MLLT10: variants seen among roughly 807,000 people sequenced by gnomAD.
MLLT10 encodes protein AF-10.
A neutral mutation model predicts 129.1 loss-of-function variants in MLLT10; 30 were observed. The observed-to-expected ratio is 0.23, with a 90% CI of 0.17 to 0.32. The LOEUF (loss-of-function observed/expected upper bound fraction) is 0.32. Among genes scored for constraint, MLLT10 ranks in the 10% least tolerant of loss-of-function variants. The pLI is 1.00. For synonymous variants in MLLT10, 490 were observed against 446.4 expected, an observed-to-expected ratio of 1.10 and a Z score of -1.23; for missense variants, 1,119 against 1,268.3, an observed-to-expected ratio of 0.88 and a Z score of 1.79.
At chr10:21,538,796 G>T in intron 2 of MLLT10, 37 bp from the exon 3 acceptor site, 1 of 1,497,276 alleles carries the variant, frequency 6.7e-7, no homozygotes, top group South Asian at 1.1e-5. Flanking sequence ...ATAGTTCTTC[G>T]AATCTTAACA....
At chr10:21,639,120 A>G (rs9418419) in intron 8 of MLLT10, among the ~76,000 whole-genome samples, 28,211 of 152,110 alleles carry the variant, frequency 0.19, 2,758 homozygotes, top group East Asian at 0.31. Context: ...TTCTCTCATC[A>G]CCAAACTGTC....
rs4436461 is a variant in MLLT10, at chr10:21,696,412, T to A, written c.1699+14155T>A. Among the ~76,000 whole-genome samples, 56 of 152,258 alleles carry A rather than the reference T, an allele frequency of 3.7e-4. No homozygotes were observed. The South Asian group carries it at 0.011, about 29-fold the overall frequency. On this transcript the variant is annotated intron_variant, in intron 13 of 22. Coordinates refer to ENST00000307729, the MANE Select transcript of MLLT10 (RefSeq NM_001195626.3). The stretch of plus-strand genomic sequence containing the variant: ...AGGGTTTTAGGTTGTCTGATCTGCC[T>A]TGTTGCTAGAAACAGAAATTCTCCT...
intron 3 of MLLT10, among the ~76,000 whole-genome samples, chr10:21,558,682 A>T (rs1159658860): frequency 2.6e-5 from 4 of 151,986 alleles, no homozygotes; most frequent in African/African-American, 9.7e-5. Flanking sequence ...CATTGTGCCC[A>T]ACCTCTTTTC....
Position 21,631,738 on chromosome 10 carries a change from G to A in MLLT10, c.699+14531G>A, listed in dbSNP as rs1004642288. ...CAGATCTGGTGAGAACTCTTATCAGGAGAACAGCAAGGGGGAAGTCTGCCC... is the reference window on the plus strand; with the variant it reads ...CAGATCTGGTGAGAACTCTTATCAGAAGAACAGCAAGGGGGAAGTCTGCCC... On this transcript the variant is annotated intron_variant, in intron 8 of 22. Coordinates refer to ENST00000307729, the MANE Select transcript of MLLT10 (RefSeq NM_001195626.3). Among the ~76,000 whole-genome samples the A allele has an allele frequency of 3.9e-5, 6 of 152,164 alleles. No homozygotes were observed. In the South Asian group the frequency reaches 1.2e-3, roughly 32 times the overall value.
At chr10:21,570,170 A>G (rs995999890) in intron 3 of MLLT10, among the ~76,000 whole-genome samples, 1 of 151,840 alleles carries the variant, frequency 6.6e-6, no homozygotes, top group Admixed American at 6.6e-5. Flanking sequence ...CGGCCTCCCA[A>G]AGTGCTGGGA....
In MLLT10 at chr10:21,685,577, C is replaced by T. The variant is rs115852623; in HGVS notation, c.1699+3320C>T. 4.6e-3 allele frequency among the ~76,000 whole-genome samples: 703 copies of T among 152,164 alleles called. 3 individuals carry two copies. Among genetic ancestry groups the T allele is most frequent in the African/African-American group, 0.016 (644 of 41,538 alleles). ...CTCAAACTCCTAGACTCAAGTGATC[C>T]GCAAGTGGTCCACCTCGGCCTCCTA... On this transcript the variant is annotated intron_variant, in intron 13 of 22. Transcript: ENST00000307729.
intron 13 of MLLT10, among the ~76,000 whole-genome samples, chr10:21,687,742 A>G (rs1402439211): frequency 6.6e-6 from 1 of 151,908 alleles, no homozygotes; most frequent in African/African-American, 2.4e-5. Context: ...TTGAAATGAA[A>G]TTCTAGAGAA....
intron 21 of MLLT10, among the ~76,000 whole-genome samples, chr10:21,736,491 C>T (rs887303900): frequency 2.6e-5 from 4 of 152,086 alleles, no homozygotes; most frequent in African/African-American, 9.7e-5. Context: ...ACCATGTTGC[C>T]CAGGCTGGTC....
Position 21,735,195 on chromosome 10 carries a change from A to G in MLLT10, c.2915A>G (p.Gln972Arg), listed in dbSNP as rs779516847. ...DQQRQILIHQ[Q>R]QFQQLLNSQQ... ...CAACGACAAATACTTATTCATCAACAGCAGTTTCAGCAGTTGTTAAATTCT... is the reference window on the plus strand; with the variant it reads ...CAACGACAAATACTTATTCATCAACGGCAGTTTCAGCAGTTGTTAAATTCT... The change falls in exon 21 of 23, where the codon CAG becomes CGG. Residue 972 changes from glutamine (Q) to arginine (R), a missense_variant. By Grantham distance (43) the Gln-to-Arg change is conservative. Around this residue, in one of 5 missense-constraint regions of MLLT10, gnomAD observed 1,004 missense variants for 1,008.7 expected, o/e 1.00. Coordinates refer to ENST00000307729, the MANE Select transcript of MLLT10 (RefSeq NM_001195626.3). The G allele has an allele frequency of 1.2e-5, 20 of 1,614,030 alleles. No individual in the cohort carries two copies. The highest frequency in any genetic ancestry group is 1.7e-5 in the Non-Finnish European group (20 of 1,180,000).
At chr10:21,713,149 T>C (rs1723335882) in intron 13 of MLLT10, among the ~76,000 whole-genome samples, 1 of 152,122 alleles carries the variant, frequency 6.6e-6, no homozygotes, top group South Asian at 2.1e-4. Context: ...GTTCCTCCTC[T>C]CCTACCCCTG....
chr10:21,600,164 A>G (rs1484481135), intron 5 of MLLT10, among the ~76,000 whole-genome samples: 2 of 152,054 alleles, frequency 1.3e-5, no homozygotes, highest in Non-Finnish European at 2.9e-5. Flanking sequence ...GTCTATTTTT[A>G]TCCTGGCACC....
intron 6 of MLLT10, among the ~76,000 whole-genome samples, chr10:21,613,987 A>G (rs1310653043): frequency 2.0e-5 from 3 of 151,932 alleles, no homozygotes; most frequent in African/African-American, 7.3e-5. Context: ...TTAGGAGGCC[A>G]AGGTGGGAGG....
intron 13 of MLLT10, among the ~76,000 whole-genome samples, chr10:21,685,348 T>C (rs145165502): frequency 5.4e-4 from 83 of 152,338 alleles, no homozygotes; most frequent in African/African-American, 1.9e-3. Context: ...ATTATTATTA[T>C]TTTTGAGATG....
At chr10:21,602,503 C>T (rs764536539) in intron 5 of MLLT10, among the ~76,000 whole-genome samples, 3 of 152,002 alleles carry the variant, frequency 2.0e-5, no homozygotes, top group Non-Finnish European at 4.4e-5. Flanking sequence ...GATGAAGAAA[C>T]AAAGGAATGC....
chr10:21,604,005 A>ATAAGGTTACTGT (rs1186604243), intron 5 of MLLT10, among the ~76,000 whole-genome samples: 1 of 151,978 alleles, frequency 6.6e-6, no homozygotes, highest in East Asian at 1.9e-4. Flanking sequence ...CTTTTTCCAA[A>ATAAGGTTACTGT]TAAGGTTACT....
At chr10:21,657,806 T>C (rs1280852707) in intron 9 of MLLT10, among the ~76,000 whole-genome samples, 1 of 152,200 alleles carries the variant, frequency 6.6e-6, no homozygotes, top group East Asian at 1.9e-4. Context: ...TTCAATTAGC[T>C]GTTAAATTTT....
chr10:21,617,124 CG>C lies in MLLT10; in HGVS notation c.620del (p.Gly207AspfsTer10), dbSNP rs759047763. On this transcript the variant is annotated frameshift_variant, in exon 8 of 23. Transcript: ENST00000307729. LOFTEE classifies it high-confidence loss of function. ...YHFSKLKKSK[R>X]GSNRSYDQSL... ...TTTTCTTTTTTAGAAAAAGAGCAAA[CG>C]GGGATCTAATAGGTCATATGATCAA... 1 of 1,506,814 alleles carries C rather than the reference CG, an allele frequency of 6.6e-7. No homozygotes were observed. The highest frequency in any genetic ancestry group is 8.9e-7 in the Non-Finnish European group (1 of 1,122,316). The allele number at this position is 1,506,814 out of a possible 1,614,324, so 93.3% of individuals were successfully genotyped here. A position where few individuals can be genotyped will look rare whatever the true frequency, so the allele number is the denominator to read the frequency against.
chr10:21,666,015 T>G (rs2131361908), intron 9 of MLLT10, among the ~76,000 whole-genome samples: 1 of 152,320 alleles, frequency 6.6e-6, no homozygotes, highest in South Asian at 2.1e-4. Flanking sequence ...GTAGTTGCAT[T>G]TTAATCTAAC....
intron 13 of MLLT10, among the ~76,000 whole-genome samples, chr10:21,701,748 G>A (rs1182664028): frequency 2.0e-5 from 3 of 151,492 alleles, no homozygotes; most frequent in Non-Finnish European, 4.4e-5. Context: ...CACCACGCCT[G>A]GTTAATTTTT....
Sources: gnomAD v4.1 joint callset for allele counts (sites outside exome capture counted in the v4.1 genomes callset) on GRCh38, gnomAD v4.1.1 for gene constraint, gnomAD v4.1.1 regional missense constraint, MANE v1.5 for transcripts, NCBI Gene and HGNC (gene_info 2026-07-23, HGNC 2026-07-21) for gene names.